TTC39C: variants seen among roughly 807,000 people sequenced by gnomAD.
The protein encoded by TTC39C is tetratricopeptide repeat protein 39C.
Under a neutral mutation model 76.3 loss-of-function variants are expected in TTC39C, and 33 were observed. That is an observed-to-expected ratio of 0.43 (90% CI 0.33 to 0.58). The LOEUF (loss-of-function observed/expected upper bound fraction) is 0.58. Among genes scored for constraint, TTC39C ranks in the 20% least tolerant of loss-of-function variants. The pLI, the probability that TTC39C is intolerant of heterozygous loss-of-function variation, is 0.04. For missense variants in TTC39C, 595 were observed against 701.4 expected, an observed-to-expected ratio of 0.85 and a Z score of 1.71; for synonymous variants, 254 against 260.6, an observed-to-expected ratio of 0.97 and a Z score of 0.24.
chr18:24,095,334 G>C (rs56053448), intron 6 of TTC39C, among the ~76,000 whole-genome samples: 1 of 152,158 alleles, frequency 6.6e-6, no homozygotes, highest in South Asian at 2.1e-4. Context: ...AACTTTATTC[G>C]TATCAGCAGT....
chr18:24,118,082 C>A, intron 7 of TTC39C, 43 bp from the exon 8 acceptor site: 1 of 1,538,716 alleles, frequency 6.5e-7, no homozygotes, highest in Non-Finnish European at 8.9e-7. Context: ...GGTCATAGAG[C>A]TCAGTACTTT....
At chr18:24,020,146 G>A (rs2083501785) in intron 1 of TTC39C, 1 of 1,226,924 alleles carries the variant, frequency 8.2e-7, no homozygotes, top group African/African-American at 1.6e-5. Flanking sequence ...TGGTTTAAGG[G>A]AACTGGCGGG....
chr18:24,124,201 G>T (rs1599349666), intron 9 of TTC39C: 1 of 283,164 alleles, frequency 3.5e-6, no homozygotes, highest in Non-Finnish European at 6.5e-6. Flanking sequence ...CAAAAAATTG[G>T]GTTAAGACTC....
In TTC39C at chr18:24,030,648, C is replaced by CTTTTTTT. The variant is rs1167104790; in HGVS notation, c.167+15625_167+15631dup. On this transcript the variant is annotated intron_variant, in intron 1 of 13. Coordinates refer to ENST00000317571, the MANE Select transcript of TTC39C (RefSeq NM_001135993.2). Reference sequence around the variant, plus strand: ...TCTCTCAACAGCCCCAAAGATAGGCCTTTTTTTTTTTTTTTTTTTTTGAGA... The same window carrying CTTTTTTT: ...TCTCTCAACAGCCCCAAAGATAGGCCTTTTTTTTTTTTTTTTTTTTTTTTTTTTGAGA... 1.0e-2 allele frequency among the ~76,000 whole-genome samples: 889 copies of CTTTTTTT among 89,022 alleles called. 31 individuals are homozygous for CTTTTTTT. The highest frequency in any genetic ancestry group is 0.011 in the African/African-American group (277 of 24,272). The allele number at this position is 89,022 out of a possible 152,430, so 58.4% of individuals were successfully genotyped here.
intron 1 of TTC39C, among the ~76,000 whole-genome samples, chr18:23,998,577 T>C (rs1197412826): frequency 6.6e-6 from 1 of 152,106 alleles, no homozygotes; most frequent in Non-Finnish European, 1.5e-5. Context: ...ACCACTGCAC[T>C]CCAGCCCGGG....
intron 1 of TTC39C, among the ~76,000 whole-genome samples, chr18:24,044,883 A>C (rs1454023975): frequency 6.6e-6 from 1 of 152,174 alleles, no homozygotes; most frequent in Non-Finnish European, 1.5e-5. Flanking sequence ...TTGTTTAGAA[A>C]CAAAAATGCT....
At chr18:24,114,230 T>C in intron 6 of TTC39C, 1 of 283,018 alleles carries the variant, frequency 3.5e-6, no homozygotes, top group Non-Finnish European at 6.8e-6. Flanking sequence ...CGGCGCGAGC[T>C]GAGCCCTTAC....
At chr18:24,007,841 G>T (rs1256829640) in intron 1 of TTC39C, among the ~76,000 whole-genome samples, 1 of 152,126 alleles carries the variant, frequency 6.6e-6, no homozygotes, top group East Asian at 1.9e-4. Flanking sequence ...TATTTTAGCT[G>T]GGAATTTCAA....
intron 12 of TTC39C, among the ~76,000 whole-genome samples, chr18:24,130,772 C>A (rs2085117208): frequency 6.6e-6 from 1 of 151,952 alleles, no homozygotes; most frequent in Non-Finnish European, 1.5e-5. Flanking sequence ...CCTATTGCTT[C>A]TGTGCTATAA....
chr18:24,067,780 T>C (rs1002015480), intron 3 of TTC39C, among the ~76,000 whole-genome samples: 4 of 152,146 alleles, frequency 2.6e-5, no homozygotes, highest in Admixed American at 6.5e-5. Context: ...GTCACTAAAA[T>C]GCAAATTTGT....
At chr18:24,005,680 TAAA>T (rs541191475) in intron 1 of TTC39C, among the ~76,000 whole-genome samples, 1 of 135,200 alleles carries the variant, frequency 7.4e-6, no homozygotes. Flanking sequence ...ACCCTGTCTC[TAAA>T]AAAAAAAAAA....
At chr18:24,114,518 T>C in intron 6 of TTC39C, 36 bp from the exon 7 acceptor site, 1 of 1,436,442 alleles carries the variant, frequency 7.0e-7, no homozygotes. Context: ...TATCGACAGA[T>C]CTTAGCTGGT....
At chr18:24,108,102 A>G (rs1027645261) in intron 6 of TTC39C, among the ~76,000 whole-genome samples, 10 of 152,260 alleles carry the variant, frequency 6.6e-5, no homozygotes, top group Non-Finnish European at 1.5e-4. Flanking sequence ...CATCAAAGCT[A>G]TAGAATTAGG....
chr18:24,001,518 G>C (rs548878056), intron 1 of TTC39C: 2 of 152,254 alleles, frequency 1.3e-5, no homozygotes, highest in African/African-American at 4.8e-5. Flanking sequence ...TTGCTTTACT[G>C]ATGTTCTTCC....
At chr18:24,107,889 G>GC (rs1555776835) in intron 6 of TTC39C, among the ~76,000 whole-genome samples, 6 of 16,700 alleles carry the variant, frequency 3.6e-4, no homozygotes, top group South Asian at 2.6e-3. Context: ...CTCCCAAGTA[G>GC]GGGGGGGGGT....
At chr18:24,005,033 T>A (rs898090113) in intron 1 of TTC39C, among the ~76,000 whole-genome samples, 4 of 152,216 alleles carry the variant, frequency 2.6e-5, no homozygotes, top group African/African-American at 9.6e-5. Flanking sequence ...TGGTACGACT[T>A]TCAGGAAGAA....
At chr18:24,010,890 A>G (rs1341275813), upstream of TTC39C, among the ~76,000 whole-genome samples, 1 of 152,114 alleles carries the variant, frequency 6.6e-6, no homozygotes, top group Non-Finnish European at 1.5e-5. Context: ...TCTACAAAAC[A>G]TACGAAAATT....
intron 1 of TTC39C, among the ~76,000 whole-genome samples, chr18:24,035,823 G>A (rs2083724828): frequency 6.6e-6 from 1 of 152,098 alleles, no homozygotes; most frequent in South Asian, 2.1e-4. Flanking sequence ...TTTTGTGTGT[G>A]CCTTTGGTAT....
At chr18:24,018,961 G>C (rs983911735) in intron 1 of TTC39C, among the ~76,000 whole-genome samples, 3 of 152,112 alleles carry the variant, frequency 2.0e-5, no homozygotes, top group South Asian at 2.1e-4. Context: ...TGGGTGTCTC[G>C]TCAACTCACT....
Sources: allele counts gnomAD v4.1 joint callset (sites outside exome capture counted in the v4.1 genomes callset), GRCh38; gene constraint gnomAD v4.1.1; transcripts MANE v1.5; gene names NCBI Gene and HGNC (gene_info 2026-07-23, HGNC 2026-07-21).